Variants in PTPRD observed in about 807,000 individuals in gnomAD.
PTPRD encodes the protein receptor-type tyrosine-protein phosphatase delta.
A neutral mutation model predicts 214.5 loss-of-function variants in PTPRD; 34 were observed. That is an observed-to-expected ratio of 0.16 (90% CI 0.12 to 0.21). The LOEUF (loss-of-function observed/expected upper bound fraction) is 0.21. Among genes scored for constraint, PTPRD ranks in the 10% least tolerant of loss-of-function variants. The pLI is 1.00. For synonymous variants in PTPRD, 1,128 were observed against 845.7 expected, an observed-to-expected ratio of 1.33 and a Z score of -5.79; for missense variants, 2,545 against 2,398.7, an observed-to-expected ratio of 1.06 and a Z score of -1.27.
chr9:9,819,635 G>C (rs1372791033), intron 5 of PTPRD, among the ~76,000 whole-genome samples: 1 of 151,984 alleles, frequency 6.6e-6, no homozygotes, highest in African/African-American at 2.4e-5. Context: ...AGTCCCCAAC[G>C]GTTAGTTTTT....
intron 12 of PTPRD, among the ~76,000 whole-genome samples, chr9:8,660,042 T>C (rs943931082): frequency 1.3e-5 from 2 of 152,226 alleles, no homozygotes; most frequent in Admixed American, 6.5e-5. Flanking sequence ...GTTCCTCAGG[T>C]ACAAAAATGT....
At chr9:8,474,502 G>T (rs1591465562) in intron 30 of PTPRD, among the ~76,000 whole-genome samples, 1 of 152,158 alleles carries the variant, frequency 6.6e-6, no homozygotes, top group Non-Finnish European at 1.5e-5. Context: ...CCAGGGAGCT[G>T]AACACAGCTT....
intron 4 of PTPRD, among the ~76,000 whole-genome samples, chr9:9,982,796 TATTTC>T (rs980981205): frequency 6.6e-6 from 1 of 152,102 alleles, no homozygotes; most frequent in Admixed American, 6.5e-5. Flanking sequence ...AGGAGGACAA[TATTTC>T]ACTTCTTGAT....
chr9:8,917,152 A>G (rs2098792391), intron 11 of PTPRD, among the ~76,000 whole-genome samples: 1 of 140,642 alleles, frequency 7.1e-6, no homozygotes, highest in South Asian at 2.2e-4. Context: ...TTTTTTTTAG[A>G]CAAAGTCTCC....
chr9:10,174,425 A>G (rs542032088), intron 3 of PTPRD, among the ~76,000 whole-genome samples: 106 of 152,266 alleles, frequency 7.0e-4, no homozygotes, highest in African/African-American at 2.5e-3. Context: ...AGTGGAAGGA[A>G]AATGAGGCCC....
At chr9:9,882,691 G>T (rs1247848608) in intron 5 of PTPRD, among the ~76,000 whole-genome samples, 1 of 152,092 alleles carries the variant, frequency 6.6e-6, no homozygotes, top group African/African-American at 2.4e-5. Context: ...TTATGTTCCT[G>T]TTAAGGAGGA....
intron 11 of PTPRD, among the ~76,000 whole-genome samples, chr9:8,736,950 T>A (rs1340241965): frequency 6.6e-6 from 1 of 152,192 alleles, no homozygotes; most frequent in African/African-American, 2.4e-5. Flanking sequence ...CCCATCCTCA[T>A]GCCAGCATTT....
intron 11 of PTPRD, among the ~76,000 whole-genome samples, chr9:8,914,440 C>A (rs939245761): frequency 1.3e-5 from 2 of 152,040 alleles, no homozygotes; most frequent in Admixed American, 6.6e-5. Flanking sequence ...TGAAGCAAGT[C>A]AAATTATTTC....
At chr9:9,332,148 T>C (rs1185513446) in intron 9 of PTPRD, among the ~76,000 whole-genome samples, 1 of 151,998 alleles carries the variant, frequency 6.6e-6, no homozygotes, top group African/African-American at 2.4e-5. Flanking sequence ...AAATACCAAA[T>C]TGTAAGAATG....
At chr9:8,622,188 T>G (rs1168141849) in intron 14 of PTPRD, among the ~76,000 whole-genome samples, 1 of 151,984 alleles carries the variant, frequency 6.6e-6, no homozygotes, top group African/African-American at 2.4e-5. Context: ...TATATTACTC[T>G]GAAGGTAATT....
chr9:9,897,800 A>G (rs1378483417), intron 5 of PTPRD, among the ~76,000 whole-genome samples: 1 of 152,150 alleles, frequency 6.6e-6, no homozygotes, highest in Admixed American at 6.6e-5. Context: ...TAGACAATGT[A>G]CACTTAACTG....
intron 35 of PTPRD, among the ~76,000 whole-genome samples, chr9:8,410,430 C>T (rs962287314): frequency 9.9e-5 from 15 of 152,138 alleles, no homozygotes; most frequent in African/African-American, 3.4e-4. Context: ...TAATGTCAAC[C>T]TAGTGTCAGG....
chr9:9,158,742 A>G (rs1285864307), intron 10 of PTPRD, among the ~76,000 whole-genome samples: 1 of 152,214 alleles, frequency 6.6e-6, no homozygotes, highest in East Asian at 1.9e-4. Context: ...CAAAGTCAGA[A>G]AAAGATACTA....
At chr9:8,540,290 T>C (rs1174253795) in intron 14 of PTPRD, among the ~76,000 whole-genome samples, 1 of 152,124 alleles carries the variant, frequency 6.6e-6, no homozygotes, top group East Asian at 1.9e-4. Flanking sequence ...AAATATATAC[T>C]TTATTTGAGG....
At chr9:9,472,623 A>T (rs1417822910) in intron 8 of PTPRD, among the ~76,000 whole-genome samples, 1 of 152,184 alleles carries the variant, frequency 6.6e-6, no homozygotes, top group African/African-American at 2.4e-5. Flanking sequence ...AGGCTAAAAT[A>T]ATGATTCACA....
intron 2 of PTPRD, among the ~76,000 whole-genome samples, chr9:10,528,457 T>C (rs183783688): frequency 2.6e-5 from 4 of 152,174 alleles, no homozygotes; most frequent in African/African-American, 9.7e-5. Context: ...ACCTTCATTA[T>C]AGAACCTGTT....
At chr9:9,434,318 T>C (rs939754071) in intron 8 of PTPRD, among the ~76,000 whole-genome samples, 13 of 152,116 alleles carry the variant, frequency 8.5e-5, no homozygotes, top group Non-Finnish European at 1.8e-4. Flanking sequence ...GGAGGTGAAG[T>C]ATCTCTACAC....
chr9:9,718,390 A>G (rs1359112885), intron 7 of PTPRD, among the ~76,000 whole-genome samples: 1 of 152,190 alleles, frequency 6.6e-6, no homozygotes, highest in Non-Finnish European at 1.5e-5. Flanking sequence ...CAGCTGCAGC[A>G]GGGGAGGTGC....
At chr9:9,023,009 T>C (rs2099575007) in intron 10 of PTPRD, among the ~76,000 whole-genome samples, 1 of 152,156 alleles carries the variant, frequency 6.6e-6, no homozygotes, top group Non-Finnish European at 1.5e-5. Context: ...TTGGTTTCCC[T>C]TGGCTTTGAA....
Sources: allele counts gnomAD v4.1 joint callset (sites outside exome capture counted in the v4.1 genomes callset), GRCh38; gene constraint gnomAD v4.1.1; transcripts MANE v1.5; gene names NCBI Gene and HGNC (gene_info 2026-07-23, HGNC 2026-07-21).